PHIP: variants seen among roughly 807,000 people sequenced by gnomAD.
The protein encoded by PHIP is PHIP subunit of CUL4-Ring ligase complex, also known as PH-interacting protein.
In PHIP, 54 loss-of-function variants were observed where a neutral mutation model predicts 236.8. That is an observed-to-expected ratio of 0.23 (90% CI 0.18 to 0.29). PHIP has a LOEUF of 0.29. Among genes scored for constraint, PHIP ranks in the 10% least tolerant of loss-of-function variants. PHIP has a pLI of 1.00. For missense variants in PHIP, 1,370 were observed against 2,190.8 expected (o/e 0.63, Z 7.48); for synonymous variants, 756 against 718.9 (o/e 1.05, Z -0.83).
intron 15 of PHIP, among the ~76,000 whole-genome samples, chr6:79,012,557 G>T (rs1770641349): frequency 6.6e-6 from 1 of 151,618 alleles, no homozygotes; most frequent in African/African-American, 2.4e-5. Flanking sequence ...TTACTAAACT[G>T]AACTTGTGAT....
intron 29 of PHIP, among the ~76,000 whole-genome samples, chr6:78,964,935 A>G (rs182549283): frequency 9.8e-5 from 15 of 152,324 alleles, no homozygotes; most frequent in Admixed American, 7.8e-4. Flanking sequence ...GCAATTGTGC[A>G]TGTGTGTTGT....
At chr6:79,038,575 T>C (rs993825586) in intron 7 of PHIP, among the ~76,000 whole-genome samples, 2 of 152,190 alleles carry the variant, frequency 1.3e-5, no homozygotes, top group Middle Eastern at 3.2e-3. Flanking sequence ...GAAATTCTCA[T>C]CTCCTGGCTT....
chr6:79,040,749 A>C (rs564554091), intron 7 of PHIP, among the ~76,000 whole-genome samples: 51 of 152,272 alleles, frequency 3.3e-4, no homozygotes, highest in African/African-American at 1.2e-3. Context: ...TTTTTCAAAA[A>C]AATAGTGCCC....
chr6:78,981,005 G>C (rs889560954), intron 23 of PHIP, among the ~76,000 whole-genome samples: 1 of 151,894 alleles, frequency 6.6e-6, no homozygotes. Flanking sequence ...AAGACTTTGG[G>C]CATCACCAAA....
At chr6:79,002,717 G>C (rs1770067345) in intron 16 of PHIP, among the ~76,000 whole-genome samples, 1 of 151,988 alleles carries the variant, frequency 6.6e-6, no homozygotes, top group Non-Finnish European at 1.5e-5. Context: ...CTAAAAATAA[G>C]CTATTCAATA....
intron 4 of PHIP, 90 bp downstream of exon 4, chr6:79,077,358 A>T: frequency 8.3e-7 from 1 of 1,204,134 alleles, no homozygotes. Flanking sequence ...TTCTAGGGCC[A>T]AGTTTTTGTC....
At chr6:79,002,486 C>T (rs1770053905) in intron 16 of PHIP, among the ~76,000 whole-genome samples, 1 of 152,002 alleles carries the variant, frequency 6.6e-6, no homozygotes, top group Non-Finnish European at 1.5e-5. Flanking sequence ...GTGCACTGTT[C>T]CAAAATGCAT....
Position 79,048,189 on chromosome 6 carries a change from T to C in PHIP, c.440-5186A>G, listed in dbSNP as rs970371633. On this transcript the variant is annotated intron_variant, in intron 6 of 39. Transcript: ENST00000275034. ...TGAAAATAAACAGAAAGTTACAAAATTTTGTTGGAAATGTAAATTTAACTT... is the reference window on the plus strand; with the variant it reads ...TGAAAATAAACAGAAAGTTACAAAACTTTGTTGGAAATGTAAATTTAACTT... Among the ~76,000 whole-genome samples, 4 of 152,086 alleles carry C rather than the reference T, an allele frequency of 2.6e-5. No individual in the cohort carries two copies. In the East Asian group the frequency reaches 7.7e-4, roughly 29 times the overall value.
intron 24 of PHIP, among the ~76,000 whole-genome samples, chr6:78,973,056 A>C (rs1369613500): frequency 6.6e-6 from 1 of 152,084 alleles, no homozygotes; most frequent in Non-Finnish European, 1.5e-5. Context: ...GAGAAGAGCA[A>C]CTCCAAGACA....
At position 79,054,063 on chromosome 6, in the gene PHIP, A is replaced by AAT. The variant is rs1223198499; in HGVS notation, c.439+6413_439+6414dup. Among the ~76,000 whole-genome samples, 5 of 151,974 alleles carry AAT rather than the reference A, an allele frequency of 3.3e-5. No individual in the cohort carries two copies. The South Asian group carries it at 1.0e-3, about 32-fold the overall frequency. On this transcript the variant is annotated intron_variant, in intron 6 of 39. Coordinates refer to ENST00000275034, the MANE Select transcript of PHIP (RefSeq NM_017934.7). ...ATTTAAGCAGAGGAAAAAATAAATA[A>AAT]ATATATATTTTGTACATCTGATACT...
intron 7 of PHIP, among the ~76,000 whole-genome samples, chr6:79,026,702 G>A (rs964999874): frequency 6.6e-6 from 1 of 151,782 alleles, no homozygotes; most frequent in East Asian, 1.9e-4. Context: ...ATAATTACTT[G>A]TTTACTCTGC....
chr6:78,970,935 A>T, intron 24 of PHIP, 47 bp from the exon 25 acceptor site: 1 of 1,275,976 alleles, frequency 7.8e-7, no homozygotes, highest in Non-Finnish European at 1.1e-6. Context: ...GTTTCCTTTA[A>T]TCCAATATAC....
intron 15 of PHIP, among the ~76,000 whole-genome samples, chr6:79,014,427 T>C (rs1212585238): frequency 6.6e-6 from 1 of 151,722 alleles, no homozygotes; most frequent in Non-Finnish European, 1.5e-5. Flanking sequence ...ATCTCTAATA[T>C]ACAGAAAGTA....
rs1237331241 is a variant in PHIP at position 78,935,248 on chromosome 6, A to G, written c.*5445T>C. 6.6e-6 allele frequency among the ~76,000 whole-genome samples: 1 copy of G among 152,206 alleles called. No homozygotes were observed. The highest frequency in any genetic ancestry group is 1.5e-5 in the Non-Finnish European group (1 of 68,014). ...CTCAACTTAGAAATTTATTATATAC[A>G]AAATCATTTTAACAAAACATCTTAG... On this transcript the variant is annotated 3_prime_UTR_variant, in exon 40 of 40. Coordinates refer to ENST00000275034, the MANE Select transcript of PHIP (RefSeq NM_017934.7).
rs531382097 is a variant in PHIP, at chr6:78,986,230, TA to T, written c.2461-803del. The stretch of plus-strand genomic sequence containing the variant: ...TTATTTTATCTAAATGGTAAAGGAT[TA>T]AAAAATACTTAAACACTCTGTTTCT... On this transcript the variant is annotated intron_variant, in intron 21 of 39. Coordinates refer to ENST00000275034, the MANE Select transcript of PHIP (RefSeq NM_017934.7). Among the ~76,000 whole-genome samples, 34 of 152,270 alleles carry T rather than the reference TA, an allele frequency of 2.2e-4. No homozygotes were observed. The South Asian group carries it at 6.2e-3, about 28-fold the overall frequency.
intron 24 of PHIP, among the ~76,000 whole-genome samples, chr6:78,974,627 A>G (rs1365109211): frequency 2.0e-5 from 3 of 152,248 alleles, no homozygotes; most frequent in Non-Finnish European, 4.4e-5. Flanking sequence ...ATAGACCGCC[A>G]GCAAGACTAA....
rs756970731 is a variant in PHIP, at chr6:78,998,275, T to C, written c.1996A>G (p.Asn666Asp). Residue 666 changes from asparagine to aspartate, a missense_variant, in exon 18 of 40, where the codon AAT (asparagine) becomes GAT (aspartate). By Grantham distance (23) the Asn-to-Asp change is conservative (BLOSUM62 1). Coordinates refer to ENST00000275034, the MANE Select transcript of PHIP (RefSeq NM_017934.7). ...TTACCTCTACTTAAACGGCTGGTATTACTGATAACTGCTTCACCAGAACGT... is the reference window on the plus strand; with the variant it reads ...TTACCTCTACTTAAACGGCTGGTATCACTGATAACTGCTTCACCAGAACGT... ...LRRSGEAVISNTSRLSRGSIS... is the reference protein window; with the variant it reads ...LRRSGEAVISDTSRLSRGSIS... 1.9e-6 allele frequency: 3 copies of C among 1,610,564 alleles called. No homozygotes were observed. The Admixed American group carries it at 5.0e-5, about 27-fold the overall frequency.
intron 21 of PHIP, among the ~76,000 whole-genome samples, chr6:78,987,989 GAATA>G (rs1768972666): frequency 6.6e-6 from 1 of 152,080 alleles, no homozygotes; most frequent in Non-Finnish European, 1.5e-5. Flanking sequence ...TATAAAATGA[GAATA>G]ATTAATTCAC....
intron 17 of PHIP, 127 bp downstream of exon 17, chr6:79,001,771 TA>T: frequency 1.6e-6 from 1 of 631,420 alleles, no homozygotes; most frequent in Non-Finnish European, 2.8e-6. Flanking sequence ...AAGACCTGTA[TA>T]AAAGTATAAA....
Sources: allele counts gnomAD v4.1 joint callset (sites outside exome capture counted in the v4.1 genomes callset), GRCh38; gene constraint gnomAD v4.1.1; transcripts MANE v1.5; gene names NCBI Gene and HGNC (gene_info 2026-07-23, HGNC 2026-07-21).